RANBP2: variants seen among roughly 807,000 people sequenced by gnomAD.
The protein encoded by RANBP2 is RAN binding protein 2.
A neutral mutation model predicts 303.6 loss-of-function variants in RANBP2; 57 were observed. The observed-to-expected ratio is 0.19, with a 90% CI of 0.15 to 0.23. The LOEUF (loss-of-function observed/expected upper bound fraction) is 0.23, where lower values mean the gene tolerates loss of function less well. RANBP2 is among the 10% of genes least tolerant of loss of function. The probability of loss-of-function intolerance (pLI) is 1.00; values close to 1 mark genes in which losing one functional copy is unlikely to be tolerated. For missense variants in RANBP2, 3,138 were observed against 3,780.8 expected (o/e 0.83, Z 4.46); for synonymous variants, 1,167 against 1,301.5 (o/e 0.90, Z 2.23).
chr2:109,322,956 A>G, the RANBP2 span, among the ~76,000 whole-genome samples: 1 of 152,160 alleles, frequency 6.6e-6, no homozygotes, highest in Non-Finnish European at 1.5e-5. Flanking sequence ...GTGGGCAGGC[A>G]ATATAAAGAG....
At position 108,766,519 on chromosome 2, in the gene RANBP2, G is replaced by T. The variant is rs756129527; in HGVS notation, c.5980G>T (p.Gly1994Cys). ...GKMANKANTS[G>C]DFEKDDDAYK... ...AATGGCCAATAAAGCAAACACTTCCGGTGACTTTGAGAAAGATGATGATGC... is the reference window on the plus strand; with the variant it reads ...AATGGCCAATAAAGCAAACACTTCCTGTGACTTTGAGAAAGATGATGATGC... Residue 1994 changes from glycine to cysteine, a missense_variant, in exon 20 of 29, where the codon GGT becomes TGT. Gly to Cys is a radical substitution (Grantham distance 159, BLOSUM62 -3). Transcript: ENST00000283195. 1 of 1,611,886 alleles carries T rather than the reference G, an allele frequency of 6.2e-7. No homozygotes were observed. The highest frequency in any genetic ancestry group is 8.5e-7 in the Non-Finnish European group (1 of 1,179,822).
chr2:108,904,328 A>G, the RANBP2 span, among the ~76,000 whole-genome samples: 1 of 152,230 alleles, frequency 6.6e-6, no homozygotes, highest in Non-Finnish European at 1.5e-5. Context: ...TGGCAAGCAT[A>G]TGGAGAAACT....
At chr2:109,579,550 AT>A in the RANBP2 span, among the ~76,000 whole-genome samples, 13 of 151,446 alleles carry the variant, frequency 8.6e-5, no homozygotes, top group Non-Finnish European at 1.6e-4. Flanking sequence ...CGCCTGGCTA[AT>A]TTTTGTATTT....
chr2:109,676,470 G>A, the RANBP2 span, among the ~76,000 whole-genome samples: 1 of 152,238 alleles, frequency 6.6e-6, no homozygotes, highest in Non-Finnish European at 1.5e-5. Context: ...GCTCAGTGTT[G>A]TTGAGCAAAC....
At chr2:109,725,382 G>T in the RANBP2 span, among the ~76,000 whole-genome samples, 3 of 152,330 alleles carry the variant, frequency 2.0e-5, no homozygotes, top group South Asian at 6.2e-4. Context: ...GCCTGGTCAC[G>T]ATGGCCTGGA....
chr2:108,740,813 A>G, intron 7 of RANBP2, 132 bp downstream of exon 7: 3 of 1,398,386 alleles, frequency 2.1e-6, no homozygotes, highest in Non-Finnish European at 2.9e-6. Context: ...AGTCAATTTG[A>G]TACAGTGGAA....
chr2:108,788,039 T>C (rs1679205170), downstream of RANBP2: 1 of 1,568,284 alleles, frequency 6.4e-7, no homozygotes. Context: ...TAGTATGATT[T>C]TTCAAATTTT....
chr2:109,631,593 T>C, the RANBP2 span, among the ~76,000 whole-genome samples: 1 of 151,894 alleles, frequency 6.6e-6, no homozygotes, highest in Non-Finnish European at 1.5e-5. Context: ...CTGTCTCTAC[T>C]AAAAATACAA....
the RANBP2 span, among the ~76,000 whole-genome samples, chr2:109,655,718 G>T: frequency 6.6e-6 from 1 of 152,236 alleles, no homozygotes; most frequent in East Asian, 1.9e-4. Flanking sequence ...TGTTTGTGTG[G>T]TCTCTCTTCC....
chr2:109,280,087 A>G, the RANBP2 span, among the ~76,000 whole-genome samples: 2 of 152,142 alleles, frequency 1.3e-5, no homozygotes, highest in African/African-American at 4.8e-5. Context: ...CCCAGAGACA[A>G]CAGAGTTCTT....
the RANBP2 span, among the ~76,000 whole-genome samples, chr2:109,043,369 G>A: frequency 2.0e-5 from 3 of 151,590 alleles, no homozygotes; most frequent in Non-Finnish European, 4.4e-5. Context: ...TTGAGACGGA[G>A]TCTTCTTCTG....
the RANBP2 span, among the ~76,000 whole-genome samples, chr2:109,261,389 T>A: frequency 6.6e-6 from 1 of 152,188 alleles, no homozygotes; most frequent in Non-Finnish European, 1.5e-5. Context: ...TTGTTTTCAT[T>A]GTAATTACAG....
the RANBP2 span, among the ~76,000 whole-genome samples, chr2:109,410,679 T>C: frequency 1.3e-5 from 2 of 152,218 alleles, no homozygotes; most frequent in Non-Finnish European, 2.9e-5. Context: ...CTTCGGAACA[T>C]GTGTGTCCAC....
the RANBP2 span, among the ~76,000 whole-genome samples, chr2:109,340,830 C>T: frequency 1.2e-3 from 187 of 152,204 alleles, 1 homozygote; most frequent in East Asian, 0.031. Context: ...CTAAGGCCAC[C>T]ACAGATGACC....
the RANBP2 span, among the ~76,000 whole-genome samples, chr2:109,039,537 G>T: frequency 1.3e-5 from 2 of 152,238 alleles, no homozygotes; most frequent in African/African-American, 4.8e-5. Flanking sequence ...TTTTAGTAGA[G>T]TCAGGGTTTT....
At chr2:109,176,184 C>G in the RANBP2 span, among the ~76,000 whole-genome samples, 1 of 152,066 alleles carries the variant, frequency 6.6e-6, no homozygotes, top group Non-Finnish European at 1.5e-5. Flanking sequence ...CAACATACAA[C>G]CAGTGGGGGA....
At chr2:109,130,626 T>C in the RANBP2 span, among the ~76,000 whole-genome samples, 2 of 152,144 alleles carry the variant, frequency 1.3e-5, no homozygotes, top group African/African-American at 4.8e-5. Context: ...GGAATGCTTC[T>C]AGTAGTCTGG....
At chr2:109,578,584 G>C in the RANBP2 span, among the ~76,000 whole-genome samples, 3 of 151,984 alleles carry the variant, frequency 2.0e-5, no homozygotes. Context: ...CTGGCCAACA[G>C]GGCGAAACCC....
the RANBP2 span, among the ~76,000 whole-genome samples, chr2:109,610,379 C>A: frequency 6.6e-6 from 1 of 152,046 alleles, no homozygotes; most frequent in Non-Finnish European, 1.5e-5. Flanking sequence ...TGAGCCACTG[C>A]GCCCAGCCAC....
Sources: gnomAD v4.1 joint callset for allele counts (sites outside exome capture counted in the v4.1 genomes callset) on GRCh38, gnomAD v4.1.1 for gene constraint, MANE v1.5 for transcripts, NCBI Gene and HGNC (gene_info 2026-07-23, HGNC 2026-07-21) for gene names.